The following CYRIB variants were observed in gnomAD, a reference collection of about 807,000 sequenced individuals.
CYRIB encodes CYFIP related Rac1 interactor B.
In CYRIB, 8 loss-of-function variants were observed where a neutral mutation model predicts 44.2. That is an observed-to-expected ratio of 0.18 (90% CI 0.11 to 0.33). CYRIB has a LOEUF of 0.33. CYRIB is among the 10% of genes least tolerant of loss of function. The pLI is 1.00. For synonymous variants in CYRIB, 131 were observed against 127.2 expected, an observed-to-expected ratio of 1.03 and a Z score of -0.20; for missense variants, 185 against 382.8, an observed-to-expected ratio of 0.48 and a Z score of 4.31.
At chr8:129,900,109 G>T (rs532390155) in intron 2 of CYRIB, among the ~76,000 whole-genome samples, 1 of 152,274 alleles carries the variant, frequency 6.6e-6, no homozygotes, top group East Asian at 1.9e-4. Flanking sequence ...TTTGTGAAAT[G>T]ACTTGAACGA....
chr8:130,010,353 A>T (rs2097190047), intron 1 of CYRIB, among the ~76,000 whole-genome samples: 1 of 152,138 alleles, frequency 6.6e-6, no homozygotes, highest in African/African-American at 2.4e-5. Flanking sequence ...GGTGAGCAAA[A>T]ACCAGGCTCA....
chr8:129,921,325 C>T (rs1327287532), intron 1 of CYRIB, among the ~76,000 whole-genome samples: 3 of 152,210 alleles, frequency 2.0e-5, no homozygotes, highest in Non-Finnish European at 4.4e-5. Flanking sequence ...TCTTCCCTAA[C>T]TTCTTGATAA....
At chr8:129,911,799 C>T (rs561669123) in intron 1 of CYRIB, among the ~76,000 whole-genome samples, 34 of 152,272 alleles carry the variant, frequency 2.2e-4, no homozygotes, top group African/African-American at 6.3e-4. Flanking sequence ...TTATACAGAA[C>T]CTTCTTACTT....
intron 2 of CYRIB, among the ~76,000 whole-genome samples, chr8:129,967,271 G>T (rs1382908930): frequency 1.3e-5 from 2 of 152,154 alleles, no homozygotes; most frequent in African/African-American, 2.4e-5. Context: ...GGTCATGGTG[G>T]AAGTATTTAC....
chr8:129,906,202 T>C (rs1420782801), intron 1 of CYRIB, among the ~76,000 whole-genome samples: 6 of 152,074 alleles, frequency 3.9e-5, no homozygotes, highest in Non-Finnish European at 1.5e-5. Context: ...CTTCAAACTA[T>C]ACTACAAGGC....
rs181903524 is a variant in CYRIB at position 129,867,018 on chromosome 8, C to T, written c.195+4357G>A. ...AAAAATATTAAACTGGCTGGGCACA[C>T]TGGCTCACGCCTGTAATCCTAGCAC... On this transcript the variant is annotated intron_variant, in intron 4 of 11. Coordinates refer to ENST00000519824, the Ensembl canonical transcript of CYRIB. Among the ~76,000 whole-genome samples the T allele has an allele frequency of 5.3e-3, 806 of 152,344 alleles. 6 individuals carry two copies. Among genetic ancestry groups the T allele is most frequent in the Non-Finnish European group, 8.4e-3 (574 of 68,036 alleles).
intron 1 of CYRIB, among the ~76,000 whole-genome samples, chr8:129,932,955 C>A (rs77586707): frequency 6.6e-6 from 1 of 152,072 alleles, no homozygotes; most frequent in African/African-American, 2.4e-5. Flanking sequence ...ATTAGCCACC[C>A]AAATGGTGGG....
intron 1 of CYRIB, among the ~76,000 whole-genome samples, chr8:129,987,097 GT>G (rs2096483872): frequency 6.6e-6 from 1 of 152,172 alleles, no homozygotes. Flanking sequence ...GCTAACATGA[GT>G]GGATAAAAAC....
At chr8:129,974,923 C>A (rs956688447) in intron 1 of CYRIB, among the ~76,000 whole-genome samples, 1 of 150,354 alleles carries the variant, frequency 6.7e-6, no homozygotes, top group African/African-American at 2.5e-5. Flanking sequence ...CTCGTTCTGT[C>A]ACCCAGGCTG....
intron 1 of CYRIB, among the ~76,000 whole-genome samples, chr8:129,914,446 C>A (rs186984489): frequency 2.6e-5 from 4 of 152,256 alleles, no homozygotes; most frequent in African/African-American, 9.6e-5. Flanking sequence ...GGAACTTTTA[C>A]ATATACTTCT....
intron 1 of CYRIB, among the ~76,000 whole-genome samples, chr8:129,930,384 AAT>A (rs1564100498): frequency 1.4e-3 from 14 of 10,278 alleles, no homozygotes; most frequent in South Asian, 3.8e-3. Flanking sequence ...TATATATTTT[AAT>A]TATTTAAATC....
intron 2 of CYRIB, among the ~76,000 whole-genome samples, chr8:129,895,452 G>A (rs2067582677): frequency 8.6e-6 from 1 of 116,682 alleles, no homozygotes; most frequent in African/African-American, 3.0e-5. Flanking sequence ...TGTGCTTACT[G>A]TTTAAATAAT....
At chr8:129,947,884 C>T (rs1047154876) in intron 2 of CYRIB, 1 of 152,216 alleles carries the variant, frequency 6.6e-6, no homozygotes, top group Non-Finnish European at 1.5e-5. Flanking sequence ...CTATATAACA[C>T]TCCGCTGTGC....
At chr8:129,916,802 A>G (rs16904173) in intron 1 of CYRIB, among the ~76,000 whole-genome samples, 1,585 of 152,320 alleles carry the variant, frequency 0.01, 25 homozygotes, top group African/African-American at 0.036. Context: ...AGTCTTTTGT[A>G]CCCTATTTAA....
At chr8:129,929,110 G>A (rs1283090814) in intron 1 of CYRIB, among the ~76,000 whole-genome samples, 1 of 152,042 alleles carries the variant, frequency 6.6e-6, no homozygotes, top group Non-Finnish European at 1.5e-5. Flanking sequence ...CAATAGAAAG[G>A]AACAAATTAC....
intron 1 of CYRIB, among the ~76,000 whole-genome samples, chr8:129,904,200 A>C (rs993673784): frequency 6.6e-6 from 1 of 152,152 alleles, no homozygotes; most frequent in African/African-American, 2.4e-5. Flanking sequence ...AAAAAGCCTC[A>C]TGTTTTCACT....
chr8:129,926,432 A>G (rs1350737267), intron 1 of CYRIB, among the ~76,000 whole-genome samples: 1 of 152,192 alleles, frequency 6.6e-6, no homozygotes, highest in Admixed American at 6.5e-5. Flanking sequence ...TCTGAAGTCC[A>G]AACCCTTTAA....
intron 1 of CYRIB, among the ~76,000 whole-genome samples, chr8:129,993,264 G>A (rs370736413): frequency 3.9e-5 from 6 of 151,982 alleles, no homozygotes; most frequent in Non-Finnish European, 5.9e-5. Flanking sequence ...GTGGTGATAC[G>A]TGCCTGTAAT....
At chr8:129,932,799 G>A (rs2091904525) in intron 1 of CYRIB, among the ~76,000 whole-genome samples, 1 of 152,176 alleles carries the variant, frequency 6.6e-6, no homozygotes, top group South Asian at 2.1e-4. Context: ...TGAGTTCTGG[G>A]ACAAGGGAAG....
Sources: allele counts gnomAD v4.1 joint callset (sites outside exome capture counted in the v4.1 genomes callset), GRCh38; gene constraint gnomAD v4.1.1; transcripts MANE v1.5; gene names NCBI Gene and HGNC (gene_info 2026-07-23, HGNC 2026-07-21).